LINGO2: variants seen among roughly 807,000 people sequenced by gnomAD.
The protein encoded by LINGO2 is leucine-rich repeat and immunoglobulin-like domain-containing nogo receptor-interacting protein 2.
In LINGO2, 14 loss-of-function variants were observed where a neutral mutation model predicts 30.6. That is an observed-to-expected ratio of 0.46 (90% confidence interval 0.30 to 0.72). The LOEUF (loss-of-function observed/expected upper bound fraction) is 0.72, where lower values mean the gene tolerates loss of function less well. Ranked by LOEUF, LINGO2 falls within the 30% of genes least tolerant of loss-of-function variation. The probability of loss-of-function intolerance (pLI) is 0.07; values close to 1 mark genes in which losing one functional copy is unlikely to be tolerated. For synonymous variants in LINGO2, 317 were observed against 288.5 expected, an observed-to-expected ratio of 1.10 and a Z score of -1.00; for missense variants, 729 against 751.7, an observed-to-expected ratio of 0.97 and a Z score of 0.35.
At chr9:29,093,876 A>G in the LINGO2 span, among the ~76,000 whole-genome samples, 3 of 138,586 alleles carry the variant, frequency 2.2e-5, no homozygotes, top group Admixed American at 2.2e-4. Flanking sequence ...CCCGCCCCAG[A>G]GAACAATTTC....
At chr9:29,173,115 G>A in the LINGO2 span, among the ~76,000 whole-genome samples, 2 of 151,988 alleles carry the variant, frequency 1.3e-5, no homozygotes. Context: ...ATAAGGTGAA[G>A]AAAAGTTATG....
intron 5 of LINGO2, among the ~76,000 whole-genome samples, chr9:27,964,279 T>C (rs1297682881): frequency 1.3e-5 from 2 of 152,134 alleles, no homozygotes; most frequent in Non-Finnish European, 2.9e-5. Context: ...ACAGGTGTAA[T>C]GCTAAAATTA....
At chr9:29,058,134 A>T in the LINGO2 span, among the ~76,000 whole-genome samples, 1 of 152,140 alleles carries the variant, frequency 6.6e-6, no homozygotes, top group Non-Finnish European at 1.5e-5. Context: ...ATAGATTAAG[A>T]AAAGAGAGAA....
intron 5 of LINGO2, among the ~76,000 whole-genome samples, chr9:28,000,103 A>G (rs557117860): frequency 6.6e-6 from 1 of 152,330 alleles, no homozygotes; most frequent in African/African-American, 2.4e-5. Flanking sequence ...AAACTCAGTG[A>G]AAAGACTAGA....
the LINGO2 span, among the ~76,000 whole-genome samples, chr9:29,194,945 T>G: frequency 6.6e-6 from 1 of 152,206 alleles, no homozygotes; most frequent in Non-Finnish European, 1.5e-5. Context: ...AGTAGAATCA[T>G]GTATCTGCCA....
At chr9:28,877,284 C>T in the LINGO2 span, among the ~76,000 whole-genome samples, 786 of 151,398 alleles carry the variant, frequency 5.2e-3, 7 homozygotes, top group African/African-American at 0.018. Flanking sequence ...TTTTGGCTTT[C>T]GTTGCCATTG....
At chr9:28,512,402 C>G (rs1168264668) in intron 1 of LINGO2, among the ~76,000 whole-genome samples, 1 of 151,612 alleles carries the variant, frequency 6.6e-6, no homozygotes, top group African/African-American at 2.4e-5. Context: ...AGGCTCCAAA[C>G]AGCATCCCTA....
intron 2 of LINGO2, among the ~76,000 whole-genome samples, chr9:28,453,763 C>T (rs1317416515): frequency 1.3e-5 from 2 of 151,894 alleles, no homozygotes; most frequent in African/African-American, 4.8e-5. Flanking sequence ...TGGAACTCCT[C>T]CTTGGCAACC....
chr9:28,957,142 T>C, the LINGO2 span, among the ~76,000 whole-genome samples: 1 of 152,106 alleles, frequency 6.6e-6, no homozygotes, highest in Non-Finnish European at 1.5e-5. Context: ...AATAGCCTAT[T>C]ACTTAGTCTC....
intron 4 of LINGO2, among the ~76,000 whole-genome samples, chr9:28,156,816 G>A (rs952047510): frequency 6.6e-6 from 1 of 152,246 alleles, no homozygotes; most frequent in African/African-American, 2.4e-5. Flanking sequence ...AAATCCAGCA[G>A]GGCAGTCACA....
At chr9:28,410,678 A>G (rs1440905839) in intron 2 of LINGO2, among the ~76,000 whole-genome samples, 2 of 152,138 alleles carry the variant, frequency 1.3e-5, no homozygotes, top group Non-Finnish European at 2.9e-5. Context: ...CTCTATTACA[A>G]TCTGTATTTG....
chr9:28,302,306 C>G (rs1337816194), intron 3 of LINGO2, among the ~76,000 whole-genome samples: 1 of 152,208 alleles, frequency 6.6e-6, no homozygotes, highest in Non-Finnish European at 1.5e-5. Flanking sequence ...ATATAACCAC[C>G]CTCAAGAACA....
chr9:28,496,700 T>A (rs2135293510), intron 1 of LINGO2, among the ~76,000 whole-genome samples: 2 of 152,284 alleles, frequency 1.3e-5, no homozygotes, highest in Admixed American at 1.3e-4. Flanking sequence ...ATCCTGTCAT[T>A]ATGATGTTAG....
At chr9:28,905,900 A>T in the LINGO2 span, among the ~76,000 whole-genome samples, 8 of 152,234 alleles carry the variant, frequency 5.3e-5, 1 homozygote, top group South Asian at 1.7e-3. Context: ...AAGATATGGA[A>T]TCAACCCAAG....
chr9:28,095,711 G>T (rs1417446805), intron 4 of LINGO2, among the ~76,000 whole-genome samples: 6 of 152,068 alleles, frequency 3.9e-5, no homozygotes, highest in Non-Finnish European at 8.8e-5. Context: ...TTGAAAAATG[G>T]GATCTAATTA....
chr9:29,093,324 C>A, the LINGO2 span, among the ~76,000 whole-genome samples: 2 of 132,260 alleles, frequency 1.5e-5, no homozygotes, highest in African/African-American at 5.6e-5. Flanking sequence ...GGCTTTACAC[C>A]TGATTAAGAT....
At chr9:28,372,604 T>C (rs1406143023) in intron 3 of LINGO2, among the ~76,000 whole-genome samples, 1 of 54,996 alleles carries the variant, frequency 1.8e-5, no homozygotes, top group Non-Finnish European at 5.8e-5. Flanking sequence ...CACAGCATGG[T>C]AAATCTAACT....
At chr9:28,848,083 C>CTATATATAGTGTGTATATAT in the LINGO2 span, among the ~76,000 whole-genome samples, 1 of 60,020 alleles carries the variant, frequency 1.7e-5, no homozygotes, top group Non-Finnish European at 3.0e-5. Context: ...TATATATACA[C>CTATATATAGTGTGTATATAT]ACTATATATA....
At chr9:28,396,023 T>C (rs182106980) in intron 2 of LINGO2, among the ~76,000 whole-genome samples, 9 of 152,270 alleles carry the variant, frequency 5.9e-5, no homozygotes, top group Admixed American at 5.9e-4. Context: ...AGAAGGAAAC[T>C]AGGGACGCTA....
Sources: gnomAD v4.1 joint callset for allele counts (sites outside exome capture counted in the v4.1 genomes callset) on GRCh38, gnomAD v4.1.1 for gene constraint, MANE v1.5 for transcripts, NCBI Gene and HGNC (gene_info 2026-07-23, HGNC 2026-07-21) for gene names.